ELOVL2: variants seen among roughly 807,000 people sequenced by gnomAD.
ELOVL2 encodes the protein ELOVL fatty acid elongase 2.
Under a neutral mutation model 37.7 loss-of-function variants are expected in ELOVL2, and 38 were observed. The ratio of observed to expected loss-of-function variants is 1.01; its 90% CI spans 0.78 to 1.32. The LOEUF (loss-of-function observed/expected upper bound fraction) is 1.32. Ranked by LOEUF, ELOVL2 falls within the 40% of genes most tolerant of loss-of-function variation. The pLI, the probability that ELOVL2 is intolerant of heterozygous loss-of-function variation, is 0.00. For missense variants in ELOVL2, 352 were observed against 363.6 expected (o/e 0.97, Z 0.26); for synonymous variants, 115 against 122.3 (o/e 0.94, Z 0.40).
At chr6:10,986,070 T>C (rs1782046477) in intron 7 of ELOVL2, among the ~76,000 whole-genome samples, 1 of 152,200 alleles carries the variant, frequency 6.6e-6, no homozygotes, top group Non-Finnish European at 1.5e-5. Context: ...TCACATCCCT[T>C]GTAAGTTGGA....
chr6:11,010,907 T>G (rs1243052307), intron 1 of ELOVL2, 98 bp from the exon 2 acceptor site: 12 of 895,774 alleles, frequency 1.3e-5, no homozygotes, highest in Non-Finnish European at 1.9e-5. Context: ...TGACAGACTT[T>G]CAAAGGGTCC....
chr6:11,010,666 A>C (rs1782558023), intron 2 of ELOVL2, 80 bp downstream of exon 2: 1 of 1,153,632 alleles, frequency 8.7e-7, no homozygotes, highest in Middle Eastern at 1.9e-4. Flanking sequence ...AGACACCAGA[A>C]ATAACATAAT....
In ELOVL2 at chr6:11,043,414, C is replaced by CACACAA. The variant is rs1783134406; in HGVS notation, c.3+813_3+814insTTGTGT. 6 of 153,480 alleles carry CACACAA rather than the reference C, an allele frequency of 3.9e-5. 1 individual carries two copies. Among genetic ancestry groups the CACACAA allele is most frequent in the African/African-American group, 1.2e-4 (5 of 40,582 alleles). 9.5% of individuals were successfully genotyped at this position (153,480 alleles called of 1,614,324 possible). A position where few individuals can be genotyped will look rare whatever the true frequency, so the allele number is the denominator to read the frequency against. On this transcript the variant is annotated intron_variant, in intron 1 of 7. Transcript: ENST00000354666. ...CATCGGACACGGGTGAACACACACA[C>CACACAA]ACACACACACACACACACAGCTTAC...
chr6:11,017,210 C>A (rs1019533091), intron 1 of ELOVL2, among the ~76,000 whole-genome samples: 1 of 152,148 alleles, frequency 6.6e-6, no homozygotes, highest in Non-Finnish European at 1.5e-5. Context: ...ACACTTAGTA[C>A]GTGTCAGGCA....
At chr6:11,043,869 T>A (rs1192212420) in intron 1 of ELOVL2, 9 of 203,490 alleles carry the variant, frequency 4.4e-5, no homozygotes, top group Non-Finnish European at 8.8e-5. Flanking sequence ...CGCGCGGGAA[T>A]GGCCGCCGCG....
chr6:11,023,658 T>C (rs2113544761), intron 1 of ELOVL2, among the ~76,000 whole-genome samples: 1 of 152,314 alleles, frequency 6.6e-6, no homozygotes. Flanking sequence ...CAATTCGGGT[T>C]CCATGCCTGC....
At chr6:10,986,139 GCTCT>G (rs1265665530) in intron 7 of ELOVL2, among the ~76,000 whole-genome samples, 6 of 152,016 alleles carry the variant, frequency 3.9e-5, no homozygotes, top group South Asian at 2.1e-4. Flanking sequence ...TCATGATTTG[GCTCT>G]CTGTTTGTCT....
At chr6:10,992,201 T>G (rs1030913101) in intron 5 of ELOVL2, among the ~76,000 whole-genome samples, 1 of 152,196 alleles carries the variant, frequency 6.6e-6, no homozygotes, top group African/African-American at 2.4e-5. Context: ...AGCAATTTCC[T>G]CCCTCACTCT....
At chr6:11,043,403 G>T (rs1783133218) in intron 1 of ELOVL2, 1 of 66,182 alleles carries the variant, frequency 1.5e-5, no homozygotes, top group Admixed American at 2.0e-4. Context: ...GGACACGGGT[G>T]AACACACACA....
chr6:11,036,873 T>G (rs557702082), intron 1 of ELOVL2, among the ~76,000 whole-genome samples: 1 of 151,884 alleles, frequency 6.6e-6, no homozygotes, highest in Non-Finnish European at 1.5e-5. Context: ...TTTTGCCTTA[T>G]GGACATATTC....
intron 1 of ELOVL2, among the ~76,000 whole-genome samples, chr6:11,038,775 C>T (rs1272505951): frequency 6.6e-6 from 1 of 152,136 alleles, no homozygotes; most frequent in Non-Finnish European, 1.5e-5. Flanking sequence ...AAAGGTTACA[C>T]AGGCAAATGT....
chr6:11,000,002 C>T, intron 4 of ELOVL2, 85 bp downstream of exon 4: 1 of 1,190,754 alleles, frequency 8.4e-7, no homozygotes, highest in Non-Finnish European at 1.3e-6. Flanking sequence ...ATTCTAGCCT[C>T]AGCCCTCTAT....
At chr6:10,990,228 A>T in intron 6 of ELOVL2, 90 bp downstream of exon 6, 1 of 1,522,176 alleles carries the variant, frequency 6.6e-7, no homozygotes, top group Non-Finnish European at 8.8e-7. Context: ...GCCTCATCAC[A>T]CATAAAAAGC....
chr6:11,007,996 T>C (rs1782508102), intron 2 of ELOVL2, among the ~76,000 whole-genome samples: 1 of 152,198 alleles, frequency 6.6e-6, no homozygotes, highest in Non-Finnish European at 1.5e-5. Context: ...TTCTTATCTT[T>C]GGGACTTGAG....
intron 1 of ELOVL2, among the ~76,000 whole-genome samples, chr6:11,021,115 A>C (rs1473702722): frequency 6.6e-6 from 1 of 152,224 alleles, no homozygotes; most frequent in Non-Finnish European, 1.5e-5. Context: ...GATGACCTCC[A>C]CCCACTTTGC....
At position 10,983,285 on chromosome 6, in the gene ELOVL2, T is replaced by C. The variant is rs1040991327; in HGVS notation, c.*496A>G. ...TTCTATCTTCTGTGTATGATCCCAT[T>C]TTAATATTTTCTGGGGTTGATTGCT... On this transcript the variant is annotated 3_prime_UTR_variant, in exon 8 of 8. Transcript: ENST00000354666. 6.6e-6 allele frequency: 1 copy of C among 152,266 alleles called. No individual in the cohort carries two copies. Among genetic ancestry groups the C allele is most frequent in the African/African-American group, 2.4e-5 (1 of 41,466 alleles). The allele number at this position is 152,266 out of a possible 1,614,324, so 9.4% of individuals were successfully genotyped here.
chr6:10,992,712 C>CT (rs1202292019), intron 5 of ELOVL2, among the ~76,000 whole-genome samples: 4 of 654 alleles, frequency 6.1e-3, no homozygotes, highest in African/African-American at 0.012. Flanking sequence ...TCACTTGAAC[C>CT]CGGAGGCAGA....
intron 1 of ELOVL2, chr6:11,043,403 G>GC (rs1336100540): frequency 1.5e-5 from 1 of 66,180 alleles, no homozygotes; most frequent in African/African-American, 5.9e-5. Context: ...GGACACGGGT[G>GC]AACACACACA....
chr6:11,036,704 A>G (rs930395123), intron 1 of ELOVL2, among the ~76,000 whole-genome samples: 1 of 150,562 alleles, frequency 6.6e-6, no homozygotes, highest in African/African-American at 2.5e-5. Context: ...CAATTTCAGG[A>G]AAGCTTCTAG....
Sources: gnomAD v4.1 joint callset for allele counts (sites outside exome capture counted in the v4.1 genomes callset) on GRCh38, gnomAD v4.1.1 for gene constraint, MANE v1.5 for transcripts, NCBI Gene and HGNC (gene_info 2026-07-23, HGNC 2026-07-21) for gene names.